The following TRPM8 variants were observed in gnomAD, a reference collection of about 807,000 sequenced individuals.
The protein encoded by TRPM8 is transient receptor potential cation channel subfamily M member 8, also known as TRPM8 cationic channel.
In TRPM8, 110 loss-of-function variants were observed where a neutral mutation model predicts 133.7. The ratio of observed to expected loss-of-function variants is 0.82; its 90% CI spans 0.70 to 0.96. The LOEUF (loss-of-function observed/expected upper bound fraction) is 0.96. Among genes scored for constraint, TRPM8 ranks in the 40% least tolerant of loss-of-function variants. The pLI is 0.00. For missense variants in TRPM8, 1,291 were observed against 1,379.5 expected (o/e 0.94, Z 1.02); for synonymous variants, 535 against 532.3 (o/e 1.01, Z -0.07).
At chr2:233,920,863 T>TC in intron 1 of TRPM8, among the ~76,000 whole-genome samples, 1 of 151,592 alleles carries the variant, frequency 6.6e-6, no homozygotes, top group East Asian at 1.9e-4. Context: ...CCATTTTTTT[T>TC]TTTTTTTTTT....
intron 5 of TRPM8, 143 bp downstream of exon 5, chr2:233,939,318 C>A: frequency 1.1e-6 from 1 of 918,830 alleles, no homozygotes; most frequent in East Asian, 2.7e-5. Context: ...TATTGAAAGC[C>A]ATATCCTCAA....
chr2:233,954,429 G>A (rs1691243193), intron 10 of TRPM8, among the ~76,000 whole-genome samples: 1 of 152,148 alleles, frequency 6.6e-6, no homozygotes, highest in South Asian at 2.1e-4. Context: ...TTTAATTTCA[G>A]GGGTTTACAA....
At chr2:233,968,251 A>G (rs1033072842) in intron 15 of TRPM8, 2 of 145,374 alleles carry the variant, frequency 1.4e-5, no homozygotes, top group Non-Finnish European at 3.0e-5. Context: ...AGCAAACCCC[A>G]AAGTGAGGAT....
chr2:233,996,183 CT>C, intron 21 of TRPM8, 142 bp from the exon 22 acceptor site: 1 of 565,180 alleles, frequency 1.8e-6, no homozygotes, highest in Non-Finnish European at 2.8e-6. Flanking sequence ...GTTATTTTGG[CT>C]CGTGTATCAC....
rs1691684486 is a variant in TRPM8, at chr2:233,970,418, G to T, written c.2347G>T (p.Val783Leu). ...SLVFVLFCDEVRQWYVNGVNY... is the reference protein window; with the variant it reads ...SLVFVLFCDELRQWYVNGVNY... The stretch of plus-strand genomic sequence containing the variant: ...GGTCTTTGTCCTCTTCTGTGATGAA[G>T]TGAGACAGGTAGGGCTGCCATGACA... The change falls in exon 17 of 26, where the codon GTG becomes TTG. Residue 783 changes from valine to leucine, a missense_variant. Transcript: ENST00000324695. 6.2e-7 allele frequency: 1 copy of T among 1,613,840 alleles called. No homozygotes were observed. Among genetic ancestry groups the T allele is most frequent in the African/African-American group, 1.3e-5 (1 of 74,880 alleles).
At chr2:233,991,360 GT>G (rs1692273004) in intron 21 of TRPM8, among the ~76,000 whole-genome samples, 1 of 152,270 alleles carries the variant, frequency 6.6e-6, no homozygotes, top group South Asian at 2.1e-4. Flanking sequence ...GCTGGCTGTT[GT>G]TGGCTTTGTA....
chr2:233,921,682 T>C (rs1243165494), intron 1 of TRPM8, among the ~76,000 whole-genome samples: 25 of 143,804 alleles, frequency 1.7e-4, no homozygotes, highest in African/African-American at 2.9e-4. Flanking sequence ...CTTTTCTTTT[T>C]TTTTTTTTTT....
chr2:233,981,171 C>T (rs550462330), intron 18 of TRPM8, among the ~76,000 whole-genome samples: 1 of 152,264 alleles, frequency 6.6e-6, no homozygotes, highest in South Asian at 2.1e-4. Context: ...AATGAGTGTT[C>T]GCCCTCCAAT....
intron 2 of TRPM8, among the ~76,000 whole-genome samples, chr2:233,928,209 G>T (rs2362293): frequency 0.41 from 62,620 of 151,580 alleles, 18,330 homozygotes; most frequent in African/African-American, 0.81. Flanking sequence ...GACCTCGTGA[G>T]CCGCCCACCT....
At chr2:233,990,214 C>A (rs1692240705) in intron 21 of TRPM8, among the ~76,000 whole-genome samples, 1 of 152,206 alleles carries the variant, frequency 6.6e-6, no homozygotes, top group Non-Finnish European at 1.5e-5. Flanking sequence ...GGGGTCGCCT[C>A]ATTTAATTAT....
intron 13 of TRPM8, 45 bp downstream of exon 13, chr2:233,963,422 T>C (rs779862603): frequency 1.6e-6 from 2 of 1,232,380 alleles, no homozygotes; most frequent in East Asian, 4.7e-5. Flanking sequence ...ATATATGCTT[T>C]GTTATAACAG....
intron 3 of TRPM8, among the ~76,000 whole-genome samples, chr2:233,934,553 C>G (rs1024457732): frequency 9.2e-5 from 14 of 152,324 alleles, no homozygotes; most frequent in African/African-American, 2.6e-4. Context: ...TGCACCATCT[C>G]TAGCAGGGAC....
chr2:233,953,875 C>T (rs779844107), intron 9 of TRPM8, 42 bp from the exon 10 acceptor site: 2 of 1,532,348 alleles, frequency 1.3e-6, no homozygotes, highest in Non-Finnish European at 1.8e-6. Flanking sequence ...CTCCTCATGC[C>T]TAAAATCTGT....
intron 14 of TRPM8, 79 bp downstream of exon 14, chr2:233,964,836 C>T: frequency 6.9e-7 from 1 of 1,451,632 alleles, no homozygotes; most frequent in Non-Finnish European, 9.3e-7. Context: ...ACTCATAGAC[C>T]AGATGGTGGA....
chr2:234,006,947 A>T lies in TRPM8; in HGVS notation c.3225A>T (p.Ser1075=). ...VKINTKANDT[S]EEMRHRFRQL... is the part of the protein sequence containing the mutation. ...TCAACACAAAAGCCAACGACACCTC[A>T]GAGGAGTATGTCAGACATCCCTTTC... Residue 1075 remains serine (S), a synonymous_variant, in exon 23 of 26, where the codon TCA becomes TCT. Transcript: ENST00000324695. 2 of 1,612,124 alleles carry T rather than the reference A, an allele frequency of 1.2e-6. No homozygotes were observed. The highest frequency in any genetic ancestry group is 1.7e-6 in the Non-Finnish European group (2 of 1,178,264).
intron 9 of TRPM8, 104 bp downstream of exon 9, chr2:233,950,250 G>A (rs1056103488): frequency 4.2e-6 from 5 of 1,197,610 alleles, no homozygotes; most frequent in Admixed American, 2.2e-5. Flanking sequence ...CACGTGTTTG[G>A]TATTTTCTCC....
chr2:233,987,755 G>A (rs1178334676), intron 21 of TRPM8, among the ~76,000 whole-genome samples: 1 of 152,224 alleles, frequency 6.6e-6, no homozygotes, highest in Non-Finnish European at 1.5e-5. Context: ...CCCAGTGGGA[G>A]ATAATCGAAT....
intron 17 of TRPM8, among the ~76,000 whole-genome samples, chr2:233,975,333 G>A (rs916718572): frequency 6.6e-6 from 1 of 152,180 alleles, no homozygotes; most frequent in Non-Finnish European, 1.5e-5. Context: ...GGAGACCAGC[G>A]CTGGGGAGCT....
At chr2:234,003,392 C>A (rs556760814) in intron 22 of TRPM8, among the ~76,000 whole-genome samples, 1 of 152,182 alleles carries the variant, frequency 6.6e-6, no homozygotes, top group Non-Finnish European at 1.5e-5. Flanking sequence ...TTCTTTCCAT[C>A]GTTTTGCCTT....
Sources: gnomAD v4.1 joint callset for allele counts (sites outside exome capture counted in the v4.1 genomes callset) on GRCh38, gnomAD v4.1.1 for gene constraint, MANE v1.5 for transcripts, NCBI Gene and HGNC (gene_info 2026-07-23, HGNC 2026-07-21) for gene names.